The following MACF1 variants were observed in gnomAD, a reference collection of about 807,000 sequenced individuals.
MACF1 encodes microtubule-actin cross-linking factor 1.
Under a neutral mutation model 854.8 loss-of-function variants are expected in MACF1, and 193 were observed. That is an observed-to-expected ratio of 0.23 (90% confidence interval 0.20 to 0.25). MACF1 has a LOEUF of 0.25. MACF1 is among the 10% of genes least tolerant of loss of function. MACF1 has a pLI of 1.00. For missense variants in MACF1, 7,722 were observed against 8,929.1 expected, an observed-to-expected ratio of 0.86 and a Z score of 5.45; for synonymous variants, 3,185 against 3,226.7, an observed-to-expected ratio of 0.99 and a Z score of 0.44.
intron 26 of MACF1, 28 bp from the exon 27 acceptor site, chr1:39,315,485 C>G (rs1433987652): frequency 6.2e-7 from 1 of 1,610,828 alleles, no homozygotes; most frequent in Non-Finnish European, 8.5e-7. Context: ...TTCTGTCTCC[C>G]TCTTTATGTG....
At chr1:39,230,059 G>C (rs750519321) in intron 1 of MACF1, among the ~76,000 whole-genome samples, 1 of 152,174 alleles carries the variant, frequency 6.6e-6, no homozygotes, top group Non-Finnish European at 1.5e-5. Flanking sequence ...CAAATGCCAA[G>C]GCCTGGCTGT....
chr1:39,099,466 C>A (rs1283910681), intron 2 of MACF1, among the ~76,000 whole-genome samples: 1 of 152,168 alleles, frequency 6.6e-6, no homozygotes, highest in Non-Finnish European at 1.5e-5. Flanking sequence ...CTAAGAATTT[C>A]TTTATAAAGC....
intron 66 of MACF1, 37 bp from the exon 67 acceptor site, chr1:39,432,498 A>G (rs1311362798): frequency 6.2e-7 from 1 of 1,607,498 alleles, no homozygotes; most frequent in South Asian, 1.1e-5. Flanking sequence ...ACTTGGCTGT[A>G]TATAATTTGT....
At chr1:39,127,744 A>G (rs367654840) in intron 2 of MACF1, among the ~76,000 whole-genome samples, 1 of 151,934 alleles carries the variant, frequency 6.6e-6, no homozygotes, top group African/African-American at 2.4e-5. Context: ...TTGAGCTGTT[A>G]TTGTTTTCAT....
intron 2 of MACF1, among the ~76,000 whole-genome samples, chr1:39,104,889 G>A (rs1474606531): frequency 6.6e-6 from 1 of 152,312 alleles, no homozygotes; most frequent in East Asian, 1.9e-4. Context: ...AGGCATCGTG[G>A]TCTTTTGCCC....
intron 2 of MACF1, among the ~76,000 whole-genome samples, chr1:39,109,666 T>C (rs1642344592): frequency 6.6e-6 from 1 of 152,132 alleles, no homozygotes; most frequent in Non-Finnish European, 1.5e-5. Context: ...TTGATTTATA[T>C]CTTATTTAAG....
chr1:39,465,437 A>G (rs1557669059), intron 95 of MACF1, among the ~76,000 whole-genome samples: 2 of 152,238 alleles, frequency 1.3e-5, no homozygotes, highest in South Asian at 4.1e-4. Flanking sequence ...TCTTATTTAT[A>G]TTAGAATCTT....
At chr1:39,425,187 G>T (rs898294648) in intron 61 of MACF1, among the ~76,000 whole-genome samples, 12 of 151,530 alleles carry the variant, frequency 7.9e-5, no homozygotes, top group Non-Finnish European at 1.6e-4. Flanking sequence ...TGCCCACATC[G>T]ATCAGCATGC....
chr1:39,120,806 C>CG (rs397741801), intron 2 of MACF1: 1 of 151,404 alleles, frequency 6.6e-6, no homozygotes, highest in African/African-American at 2.4e-5. Context: ...GTGTCTATCC[C>CG]TCAAGCATTT....
chr1:39,331,172 CTTTTTTTTTTTT>C lies in MACF1; in HGVS notation c.4615-14_4615-3del, dbSNP rs71060310. ...TCAGTTTTCTTTTTCTTCTCTTTTCCTTTTTTTTTTTTTTTTTTTTTTTTTTTTAGGAATGCA... is the reference window on the plus strand; with the variant it reads ...TCAGTTTTCTTTTTCTTCTCTTTTCCTTTTTTTTTTTTTTTTAGGAATGCA... On this transcript the variant is annotated intron_variant, in intron 36 of 100. Coordinates refer to ENST00000564288, the MANE Select transcript of MACF1 (RefSeq NM_001394062.1). 159,965 of 1,214,214 alleles carry C rather than the reference CTTTTTTTTTTTT, an allele frequency of 0.13. 78 individuals carry two copies. The highest frequency in any genetic ancestry group is 0.16 in the East Asian group (5,185 of 32,104). 75.2% of individuals were successfully genotyped at this position (1,214,214 alleles called of 1,614,324 possible). A position where few individuals can be genotyped will look rare whatever the true frequency, so the allele number is the denominator to read the frequency against.
rs571057184 is a variant in MACF1, at chr1:39,427,004, CAGAG to C, written c.16317-447_16317-444del. On this transcript the variant is annotated intron_variant, in intron 61 of 100. Transcript: ENST00000564288. ...CACTCATAAATGAAGGTAGTAGTGACAGAGAGAATGAAAACAGACAACTTTTTGC... is the reference window on the plus strand; with the variant it reads ...CACTCATAAATGAAGGTAGTAGTGACAGAATGAAAACAGACAACTTTTTGC... 2.1e-3 allele frequency among the ~76,000 whole-genome samples: 321 copies of C among 152,180 alleles called. 3 individuals are homozygous for C. The highest frequency in any genetic ancestry group is 1.3e-3 in the Non-Finnish European group (90 of 68,022).
chr1:39,372,017 C>T (rs1649298766), intron 51 of MACF1, among the ~76,000 whole-genome samples: 3 of 151,904 alleles, frequency 2.0e-5, no homozygotes, highest in Non-Finnish European at 4.4e-5. Flanking sequence ...CGGGGTTTCA[C>T]CATGTCGGCC....
intron 29 of MACF1, among the ~76,000 whole-genome samples, chr1:39,317,741 A>G (rs1035382194): frequency 1.3e-5 from 2 of 152,206 alleles, no homozygotes; most frequent in Non-Finnish European, 2.9e-5. Context: ...CTTTGTATCC[A>G]AATATGAGCC....
chr1:39,218,843 C>T (rs950795585), intron 1 of MACF1, among the ~76,000 whole-genome samples: 3 of 152,160 alleles, frequency 2.0e-5, no homozygotes, highest in Non-Finnish European at 2.9e-5. Flanking sequence ...TGCAATGGGG[C>T]GATCTCGGCT....
chr1:39,097,392 A>C (rs1641963607), intron 2 of MACF1, among the ~76,000 whole-genome samples: 1 of 152,140 alleles, frequency 6.6e-6, no homozygotes, highest in Admixed American at 6.6e-5. Flanking sequence ...ATCTTGACAG[A>C]CTGAAGTCGA....
In MACF1 at chr1:39,387,203, A is replaced by T; in HGVS notation, c.14361A>T (p.Arg4787Ser). The T allele has an allele frequency of 6.2e-7, 1 of 1,613,360 alleles. No homozygotes were observed. Among genetic ancestry groups the T allele is most frequent in the Non-Finnish European group, 8.5e-7 (1 of 1,179,714 alleles). Reference protein sequence around the residue: ...LEDLAADRINRLQAALASTQQ... With the variant: ...LEDLAADRINSLQAALASTQQ... ...TCATTTCAGCCGATCGCATTAACAGACTCCAGGCAGCTCTTGCCAGCACCC... is the reference window on the plus strand; with the variant it reads ...TCATTTCAGCCGATCGCATTAACAGTCTCCAGGCAGCTCTTGCCAGCACCC... Residue 4787 changes from arginine (R) to serine (S), a missense_variant, in exon 58 of 101, where the codon AGA becomes AGT. Physicochemically the swap from Arg to Ser is moderately radical, Grantham distance 110. Coordinates refer to ENST00000564288, the MANE Select transcript of MACF1 (RefSeq NM_001394062.1).
intron 70 of MACF1, 94 bp downstream of exon 70, chr1:39,435,855 C>A (rs990283628): frequency 2.2e-5 from 24 of 1,108,918 alleles, no homozygotes; most frequent in Middle Eastern, 2.8e-4. Context: ...CAGGAATGTC[C>A]AGAGCAGCAT....
chr1:39,110,333 C>T (rs1403672332), intron 2 of MACF1, among the ~76,000 whole-genome samples: 1 of 146,716 alleles, frequency 6.8e-6, no homozygotes, highest in East Asian at 2.0e-4. Context: ...ACCTCTCAGG[C>T]TCAAGTGATC....
In MACF1 at chr1:39,333,926, C is replaced by T. The variant is rs767607022; in HGVS notation, c.7338C>T (p.Ser2446=). ...AACTTATAAATCTGGAGAAAGCTTC[C>T]AAAGGTAGAGATGCTGAAAAAACAG... The part of the protein sequence containing the change: ...QPELINLEKA[S]KGRDAEKTVR... The change falls in exon 37 of 101, where the codon TCC becomes TCT. Residue 2446 remains serine, a synonymous_variant. Transcript: ENST00000564288. 3 of 1,613,880 alleles carry T rather than the reference C, an allele frequency of 1.9e-6. No individual in the cohort carries two copies. Among genetic ancestry groups the T allele is most frequent in the African/African-American group, 2.7e-5 (2 of 74,866 alleles).
Sources: gnomAD v4.1 joint callset for allele counts (sites outside exome capture counted in the v4.1 genomes callset) on GRCh38, gnomAD v4.1.1 for gene constraint, MANE v1.5 for transcripts, NCBI Gene and HGNC (gene_info 2026-07-23, HGNC 2026-07-21) for gene names.